ZNF804B: variants seen among roughly 807,000 people sequenced by gnomAD.
ZNF804B encodes zinc finger protein 804B.
Under a neutral mutation model 101.4 loss-of-function variants are expected in ZNF804B, and 80 were observed. The ratio of observed to expected loss-of-function variants is 0.79; its 90% CI spans 0.66 to 0.95. The LOEUF (loss-of-function observed/expected upper bound fraction) is 0.95, where lower values mean the gene tolerates loss of function less well. Among genes scored for constraint, ZNF804B ranks in the 40% least tolerant of loss-of-function variants. The pLI is 0.00. For missense variants in ZNF804B, 1,673 were observed against 1,561.9 expected (o/e 1.07, Z -1.20); for synonymous variants, 622 against 558.8 (o/e 1.11, Z -1.59).
Position 89,234,810 on chromosome 7 carries a change from G to C in ZNF804B, c.249+16515G>C, listed in dbSNP as rs112697718. ...GGGGTCTCTCGGGTGTTCAGCCTCA[G>C]ACTGGGAGATGCACTGTTGTCTTTC... On this transcript the variant is annotated intron_variant, in intron 2 of 3. Coordinates refer to ENST00000333190, the MANE Select transcript of ZNF804B (RefSeq NM_181646.5). Among the ~76,000 whole-genome samples the C allele has an allele frequency of 2.6e-3, 393 of 152,262 alleles. 3 individuals carry two copies. The highest frequency in any genetic ancestry group is 9.2e-3 in the African/African-American group (380 of 41,528).
chr7:89,188,071 T>G (rs1161196959), intron 1 of ZNF804B, among the ~76,000 whole-genome samples: 1 of 152,122 alleles, frequency 6.6e-6, no homozygotes, highest in African/African-American at 2.4e-5. Context: ...TTTTTTCTTT[T>G]TTTTTACAAA....
At chr7:88,842,679 A>G (rs1312612310) in intron 1 of ZNF804B, among the ~76,000 whole-genome samples, 2 of 152,192 alleles carry the variant, frequency 1.3e-5, no homozygotes, top group African/African-American at 4.8e-5. Context: ...AACAGCATGC[A>G]ATTTTCCTTA....
intron 1 of ZNF804B, chr7:88,795,763 C>G (rs1054980794): frequency 6.6e-6 from 1 of 152,076 alleles, no homozygotes; most frequent in Non-Finnish European, 1.5e-5. Flanking sequence ...TGCCTTCCCT[C>G]GGGCATACGT....
intron 1 of ZNF804B, among the ~76,000 whole-genome samples, chr7:88,809,350 TCTATCTAC>T (rs1175879903): frequency 3.5e-5 from 4 of 114,886 alleles, no homozygotes; most frequent in African/African-American, 1.3e-4. Context: ...TATCTATCTA[TCTATCTAC>T]CTATCTATCT....
chr7:89,200,769 A>G (rs1788620652), intron 1 of ZNF804B, among the ~76,000 whole-genome samples: 1 of 152,002 alleles, frequency 6.6e-6, no homozygotes, highest in African/African-American at 2.4e-5. Context: ...ATTGTACTTT[A>G]CAGCACCGCA....
At chr7:89,201,367 T>C (rs1353813043) in intron 1 of ZNF804B, among the ~76,000 whole-genome samples, 1 of 152,036 alleles carries the variant, frequency 6.6e-6, no homozygotes, top group East Asian at 1.9e-4. Flanking sequence ...CTTTGACCAA[T>C]TCGAAGTGAA....
At chr7:89,162,924 T>G (rs1204143900) in intron 1 of ZNF804B, among the ~76,000 whole-genome samples, 14 of 138,918 alleles carry the variant, frequency 1.0e-4, no homozygotes, top group Non-Finnish European at 1.6e-4. Context: ...ATATGTGGTG[T>G]TCGGTTTTTT....
At chr7:89,000,259 T>C (rs544145931) in intron 1 of ZNF804B, among the ~76,000 whole-genome samples, 34 of 152,088 alleles carry the variant, frequency 2.2e-4, no homozygotes, top group African/African-American at 8.2e-4. Flanking sequence ...GGGTGTCTCA[T>C]TTGAGGAAAG....
intron 1 of ZNF804B, among the ~76,000 whole-genome samples, chr7:89,163,130 C>T (rs1390316720): frequency 6.6e-6 from 1 of 151,846 alleles, no homozygotes; most frequent in Non-Finnish European, 1.5e-5. Flanking sequence ...AAAGATAAAG[C>T]CAAGTTTGGT....
At chr7:89,199,474 T>C (rs1414677788) in intron 1 of ZNF804B, among the ~76,000 whole-genome samples, 5 of 152,102 alleles carry the variant, frequency 3.3e-5, no homozygotes, top group African/African-American at 1.2e-4. Context: ...AACAGCATAA[T>C]AGAAATATAA....
At position 88,934,481 on chromosome 7, in the gene ZNF804B, A is replaced by G. The variant is rs114343876; in HGVS notation, c.108+174397A>G. Among the ~76,000 whole-genome samples, 759 of 152,192 alleles carry G rather than the reference A, an allele frequency of 5.0e-3. 8 individuals carry two copies. Among genetic ancestry groups the G allele is most frequent in the African/African-American group, 0.018 (737 of 41,558 alleles). On this transcript the variant is annotated intron_variant, in intron 1 of 3. Transcript: ENST00000333190. ...ACAGACAACCCACAGAATGGGAGAAAACATTCACAAACTGTGAGTCCAACA... is the reference window on the plus strand; with the variant it reads ...ACAGACAACCCACAGAATGGGAGAAGACATTCACAAACTGTGAGTCCAACA...
At position 89,235,696 on chromosome 7, in the gene ZNF804B, T is replaced by C. The variant is rs539891869; in HGVS notation, c.249+17401T>C. ...TAGGACAGTTTTTTAAAAAACTGTT[T>C]GAGGCTGAAATATATTTGCCTTCTG... On this transcript the variant is annotated intron_variant, in intron 2 of 3. Transcript: ENST00000333190. 2.6e-5 allele frequency among the ~76,000 whole-genome samples: 4 copies of C among 152,220 alleles called. No individual in the cohort carries two copies. In the South Asian group the frequency reaches 8.3e-4, roughly 32 times the overall value.
intron 1 of ZNF804B, among the ~76,000 whole-genome samples, chr7:89,095,262 C>T (rs762011639): frequency 1.3e-5 from 2 of 152,240 alleles, no homozygotes; most frequent in East Asian, 1.9e-4. Flanking sequence ...CTGGAGGATG[C>T]GGTCACAAAA....
chr7:88,793,997 T>C, intron 1 of ZNF804B: 1 of 455,702 alleles, frequency 2.2e-6, no homozygotes, highest in Non-Finnish European at 3.8e-6. Context: ...TTGAACTTAA[T>C]ACCACAACAA....
Position 89,202,221 on chromosome 7 carries a change from C to A in ZNF804B, c.109-15934C>A, listed in dbSNP as rs193171393. ...TTAAAAATAATTTTAGGTGTGAATT[C>A]TTTTATCTTTTGATTTGATGTTTTC... is the stretch of plus-strand genomic sequence containing the variant. On this transcript the variant is annotated intron_variant, in intron 1 of 3. Coordinates refer to ENST00000333190, the MANE Select transcript of ZNF804B (RefSeq NM_181646.5). Among the ~76,000 whole-genome samples the A allele has an allele frequency of 2.2e-4, 34 of 152,102 alleles. No homozygotes were observed. The East Asian group carries it at 4.3e-3, about 19-fold the overall frequency.
chr7:89,089,306 T>C (rs1342183047), intron 1 of ZNF804B, among the ~76,000 whole-genome samples: 5 of 152,118 alleles, frequency 3.3e-5, no homozygotes, highest in Non-Finnish European at 5.9e-5. Context: ...TTATGTTGTA[T>C]TTGTTACCTA....
intron 1 of ZNF804B, among the ~76,000 whole-genome samples, chr7:89,127,034 A>T (rs1354799532): frequency 6.6e-6 from 1 of 151,962 alleles, no homozygotes; most frequent in Non-Finnish European, 1.5e-5. Flanking sequence ...TTTAATAATG[A>T]TAATGATCAT....
At chr7:89,057,374 A>AG (rs1359353351) in intron 1 of ZNF804B, among the ~76,000 whole-genome samples, 4 of 151,986 alleles carry the variant, frequency 2.6e-5, no homozygotes, top group Non-Finnish European at 4.4e-5. Flanking sequence ...AACCCTGGGG[A>AG]GGGGGCAGTT....
chr7:89,049,841 A>G (rs1276997368), intron 1 of ZNF804B, among the ~76,000 whole-genome samples: 1 of 151,996 alleles, frequency 6.6e-6, no homozygotes, highest in Non-Finnish European at 1.5e-5. Context: ...GTGAAACTTC[A>G]TCTCTACTAA....
Sources: gnomAD v4.1 joint callset for allele counts (sites outside exome capture counted in the v4.1 genomes callset) on GRCh38, gnomAD v4.1.1 for gene constraint, MANE v1.5 for transcripts, NCBI Gene and HGNC (gene_info 2026-07-23, HGNC 2026-07-21) for gene names.